Variants in DPP10 observed in about 807,000 individuals in gnomAD.
DPP10 encodes inactive dipeptidyl peptidase 10.
In DPP10, 33 loss-of-function variants were observed where a neutral mutation model predicts 120.9. That is an observed-to-expected ratio of 0.27 (90% confidence interval 0.21 to 0.37). The LOEUF is 0.37. DPP10 is among the 10% of genes least tolerant of loss of function. DPP10 has a pLI of 1.00. For synonymous variants in DPP10, 337 were observed against 326.1 expected, an observed-to-expected ratio of 1.03 and a Z score of -0.36; for missense variants, 816 against 942.8, an observed-to-expected ratio of 0.87 and a Z score of 1.76.
chr2:115,078,167 AT>A (rs915469087), intron 1 of DPP10, among the ~76,000 whole-genome samples: 1 of 152,210 alleles, frequency 6.6e-6, no homozygotes, highest in African/African-American at 2.4e-5. Flanking sequence ...GTAACAGTTT[AT>A]TTTTAATGCC....
At chr2:114,997,895 G>C (rs994002359) in intron 1 of DPP10, among the ~76,000 whole-genome samples, 1 of 152,206 alleles carries the variant, frequency 6.6e-6, no homozygotes, top group African/African-American at 2.4e-5. Flanking sequence ...GTCATCTAAA[G>C]ATGAAATTCA....
intron 1 of DPP10, among the ~76,000 whole-genome samples, chr2:114,695,945 A>G (rs1481325719): frequency 1.3e-5 from 2 of 152,096 alleles, no homozygotes; most frequent in Non-Finnish European, 1.5e-5. Context: ...AATGGACTAT[A>G]TATTTGTTGA....
chr2:114,940,639 G>T (rs918559457), intron 1 of DPP10, among the ~76,000 whole-genome samples: 1 of 151,826 alleles, frequency 6.6e-6, no homozygotes, highest in African/African-American at 2.4e-5. Context: ...GCAAACCCCA[G>T]ATCAAGATAT....
intron 1 of DPP10, among the ~76,000 whole-genome samples, chr2:115,076,908 T>C (rs1707848601): frequency 6.6e-6 from 1 of 152,266 alleles, no homozygotes; most frequent in South Asian, 2.1e-4. Context: ...ACTTTTACTA[T>C]CACACTGCTA....
intron 1 of DPP10, among the ~76,000 whole-genome samples, chr2:114,956,986 C>CAA (rs764400761): frequency 0.011 from 1,224 of 106,924 alleles, 39 homozygotes; most frequent in Admixed American, 0.077. Flanking sequence ...TAAAACTATT[C>CAA]AAAAAAAAAA....
chr2:115,316,557 G>A (rs915141763), intron 2 of DPP10, among the ~76,000 whole-genome samples: 2 of 152,096 alleles, frequency 1.3e-5, no homozygotes, highest in Non-Finnish European at 2.9e-5. Context: ...GTTGAAAATC[G>A]TAAGTGTAAA....
intron 5 of DPP10, among the ~76,000 whole-genome samples, chr2:115,528,715 C>G (rs1161140263): frequency 6.6e-6 from 1 of 151,614 alleles, no homozygotes; most frequent in African/African-American, 2.4e-5. Flanking sequence ...TAGACAGAAA[C>G]ATGGATAAAT....
chr2:114,891,731 C>A (rs2106633730), intron 1 of DPP10, among the ~76,000 whole-genome samples: 1 of 152,330 alleles, frequency 6.6e-6, no homozygotes, highest in East Asian at 1.9e-4. Flanking sequence ...CATTTTGCCA[C>A]ACTTTTAAAT....
intron 1 of DPP10, among the ~76,000 whole-genome samples, chr2:114,993,580 G>GTGTA (rs71394121): frequency 1.4e-3 from 137 of 97,346 alleles, no homozygotes; most frequent in African/African-American, 4.9e-3. Context: ...GTGTGTGTGT[G>GTGTA]TATATATATA....
At chr2:115,550,836 A>G (rs2079828182) in intron 5 of DPP10, among the ~76,000 whole-genome samples, 1 of 152,128 alleles carries the variant, frequency 6.6e-6, no homozygotes, top group African/African-American at 2.4e-5. Context: ...GCCAAAAGAG[A>G]TATTGTGTTT....
At chr2:115,261,355 C>G (rs1223681464) in intron 1 of DPP10, among the ~76,000 whole-genome samples, 1 of 152,112 alleles carries the variant, frequency 6.6e-6, no homozygotes, top group Non-Finnish European at 1.5e-5. Context: ...TTGAGGATTC[C>G]TAGTGCACAA....
At chr2:115,757,373 G>A (rs1325607935) in intron 11 of DPP10, among the ~76,000 whole-genome samples, 1 of 151,926 alleles carries the variant, frequency 6.6e-6, no homozygotes, top group Non-Finnish European at 1.5e-5. Flanking sequence ...TTACAGTTCT[G>A]CATGTCTGGG....
At position 114,767,158 on chromosome 2, in the gene DPP10, G is replaced by A. The variant is rs115122846; in HGVS notation, c.60+324320G>A. Among the ~76,000 whole-genome samples the A allele has an allele frequency of 9.0e-3, 794 of 88,318 alleles. 20 individuals carry two copies. The highest frequency in any genetic ancestry group is 0.034 in the African/African-American group (755 of 21,970). The allele number at this position is 88,318 out of a possible 152,430, so 57.9% of individuals were successfully genotyped here. Reference sequence around the variant, plus strand: ...AATTAAAAAACAACAACAACACACCGAAGTATCAAGACCATAGTTAGACAG... The same window carrying A: ...AATTAAAAAACAACAACAACACACCAAAGTATCAAGACCATAGTTAGACAG... On this transcript the variant is annotated intron_variant, in intron 1 of 25. Transcript: ENST00000410059.
intron 3 of DPP10, among the ~76,000 whole-genome samples, chr2:115,387,796 T>A (rs1171123727): frequency 6.6e-6 from 1 of 152,214 alleles, no homozygotes; most frequent in Non-Finnish European, 1.5e-5. Context: ...GTAAATATGA[T>A]GAGCTAATGA....
chr2:114,701,911 C>G (rs1259118691), intron 1 of DPP10, among the ~76,000 whole-genome samples: 1 of 152,028 alleles, frequency 6.6e-6, no homozygotes, highest in African/African-American at 2.4e-5. Flanking sequence ...AACAAATCAG[C>G]GCAAGCCTAG....
intron 4 of DPP10, among the ~76,000 whole-genome samples, chr2:115,523,918 A>T (rs1246278915): frequency 6.6e-6 from 1 of 152,146 alleles, no homozygotes; most frequent in Non-Finnish European, 1.5e-5. Context: ...AAAAAACAAA[A>T]TTCTTGACAT....
chr2:115,381,408 TC>T (rs1166949021), intron 3 of DPP10, among the ~76,000 whole-genome samples: 3 of 152,198 alleles, frequency 2.0e-5, no homozygotes, highest in Admixed American at 2.0e-4. Context: ...CTCCATCAGC[TC>T]CTTTAAGCAC....
intron 1 of DPP10, among the ~76,000 whole-genome samples, chr2:115,024,556 A>G (rs993111250): frequency 1.1e-4 from 16 of 151,488 alleles, no homozygotes; most frequent in Admixed American, 4.6e-4. Flanking sequence ...GGTACATGTG[A>G]TAATTTGATA....
chr2:115,521,787 T>G (rs2077827405), intron 4 of DPP10, among the ~76,000 whole-genome samples: 1 of 152,142 alleles, frequency 6.6e-6, no homozygotes, highest in African/African-American at 2.4e-5. Context: ...GCCAAGGTAA[T>G]AGTTCTAAAT....
Sources: gnomAD v4.1 joint callset for allele counts (sites outside exome capture counted in the v4.1 genomes callset) on GRCh38, gnomAD v4.1.1 for gene constraint, MANE v1.5 for transcripts, NCBI Gene and HGNC (gene_info 2026-07-23, HGNC 2026-07-21) for gene names.